Variants in MICU1 observed in about 807,000 individuals in gnomAD.
The protein encoded by MICU1 is mitochondrial calcium uptake 1, also known as calcium uptake protein 1, mitochondrial.
Under a neutral mutation model 56.8 loss-of-function variants are expected in MICU1, and 45 were observed. The ratio of observed to expected loss-of-function variants is 0.79; its 90% CI spans 0.62 to 1.02. MICU1 has a LOEUF of 1.02. Among genes scored for constraint, MICU1 ranks in the 50% least tolerant of loss-of-function variants. MICU1 has a pLI of 0.00. For synonymous variants in MICU1, 186 were observed against 195.1 expected (o/e 0.95, Z 0.39); for missense variants, 504 against 587.1 (o/e 0.86, Z 1.46).
At chr10:72,531,236 C>G (rs1169735309) in intron 5 of MICU1, among the ~76,000 whole-genome samples, 7 of 151,994 alleles carry the variant, frequency 4.6e-5, no homozygotes, top group Non-Finnish European at 4.4e-5. Context: ...AAAATCAAAG[C>G]AAGTCTAAAA....
chr10:72,583,303 CAG>C (rs1297856867), intron 1 of MICU1, among the ~76,000 whole-genome samples: 28 of 145,138 alleles, frequency 1.9e-4, no homozygotes, highest in African/African-American at 6.9e-4. Context: ...TTTTTTGAGA[CAG>C]AGTCTTCCTC....
intron 5 of MICU1, among the ~76,000 whole-genome samples, chr10:72,512,107 G>GT (rs869183579): frequency 1.7e-4 from 5 of 29,522 alleles, no homozygotes; most frequent in Admixed American, 1.5e-3. Context: ...GTTGTTTTTT[G>GT]TTTTTTTTTT....
At chr10:72,512,635 T>A (rs1284724185) in intron 5 of MICU1, among the ~76,000 whole-genome samples, 2 of 152,172 alleles carry the variant, frequency 1.3e-5, no homozygotes, top group African/African-American at 2.4e-5. Flanking sequence ...TTTTGGTATG[T>A]ACTAAGGAGA....
At chr10:72,387,718 A>T (rs1428167937) in intron 10 of MICU1, among the ~76,000 whole-genome samples, 4 of 150,942 alleles carry the variant, frequency 2.7e-5, no homozygotes, top group South Asian at 2.1e-4. Flanking sequence ...AAAAGTGACT[A>T]AAAAAAAGCA....
rs182532774 is a variant in MICU1 at position 72,462,767 on chromosome 10, T to A, written c.933+12333A>T. ...ACTTTTTATACACTGGTATAGAGCT[T>A]ATTCATAAGTTGAGAAGCACCTGGG... is the stretch of plus-strand genomic sequence containing the variant. On this transcript the variant is annotated intron_variant, in intron 8 of 11. Transcript: ENST00000361114. Among the ~76,000 whole-genome samples, 19 of 152,342 alleles carry A rather than the reference T, an allele frequency of 1.2e-4. No individual in the cohort carries two copies. The East Asian group carries it at 3.3e-3, about 26-fold the overall frequency.
chr10:72,623,891 T>TTTAA (rs71021518), intron 1 of MICU1, among the ~76,000 whole-genome samples: 13 of 150,288 alleles, frequency 8.7e-5, no homozygotes, highest in African/African-American at 2.2e-4. Flanking sequence ...CCCATCTCCA[T>TTTAA]TTAATTAATT....
chr10:72,559,666 A>G (rs1175515057), intron 3 of MICU1, among the ~76,000 whole-genome samples: 1 of 152,168 alleles, frequency 6.6e-6, no homozygotes, highest in African/African-American at 2.4e-5. Context: ...CAATGAATAA[A>G]CTTTTTTTTA....
In MICU1 at chr10:72,605,695, T is replaced by C. The variant is rs550095956; in HGVS notation, c.-2+20315A>G. Among the ~76,000 whole-genome samples, 16 of 152,344 alleles carry C rather than the reference T, an allele frequency of 1.1e-4. No homozygotes were observed. The East Asian group carries it at 3.1e-3, about 29-fold the overall frequency. ...AGTAGTTTAGAGATGATTTAAAGTA[T>C]ACAGGAGGATGTGCATAGGTTATAC... On this transcript the variant is annotated intron_variant, in intron 1 of 11. Transcript: ENST00000361114.
At chr10:72,536,856 A>T (rs367961557) in intron 4 of MICU1, among the ~76,000 whole-genome samples, 2 of 152,310 alleles carry the variant, frequency 1.3e-5, no homozygotes, top group East Asian at 3.9e-4. Flanking sequence ...CAGACTTGCC[A>T]CATTTCAAGT....
chr10:72,569,486 C>T (rs1227963781), intron 1 of MICU1, among the ~76,000 whole-genome samples: 2 of 151,416 alleles, frequency 1.3e-5, no homozygotes, highest in Admixed American at 6.6e-5. Flanking sequence ...CTACCTGCCT[C>T]GGCTTCCCAA....
At chr10:72,508,915 A>G (rs555234007) in intron 5 of MICU1, among the ~76,000 whole-genome samples, 6 of 152,196 alleles carry the variant, frequency 3.9e-5, no homozygotes, top group Non-Finnish European at 7.3e-5. Flanking sequence ...CCTAGATGTC[A>G]GCTATTTGAT....
chr10:72,407,323 T>C (rs745731618), intron 10 of MICU1, among the ~76,000 whole-genome samples: 2 of 152,180 alleles, frequency 1.3e-5, no homozygotes, highest in African/African-American at 2.4e-5. Context: ...AAAATGTCAG[T>C]TGAGCTGAAT....
intron 1 of MICU1, among the ~76,000 whole-genome samples, chr10:72,568,939 A>G (rs1415951644): frequency 6.7e-6 from 1 of 150,192 alleles, no homozygotes; most frequent in Non-Finnish European, 1.5e-5. Context: ...TTTTTAGTAG[A>G]GACAGGGTTT....
chr10:72,407,069 C>T (rs1241509506), intron 10 of MICU1, among the ~76,000 whole-genome samples: 1 of 152,082 alleles, frequency 6.6e-6, no homozygotes, highest in Non-Finnish European at 1.5e-5. Flanking sequence ...CTAGAAAAAG[C>T]AAAATTAATC....
intron 1 of MICU1, among the ~76,000 whole-genome samples, chr10:72,614,630 G>A (rs570985811): frequency 1.5e-4 from 23 of 152,202 alleles, no homozygotes; most frequent in Non-Finnish European, 3.2e-4. Flanking sequence ...GGATGAACCT[G>A]AAGGATACTA....
At chr10:72,374,812 T>TC (rs1862463845) in intron 11 of MICU1, among the ~76,000 whole-genome samples, 1 of 133,138 alleles carries the variant, frequency 7.5e-6, no homozygotes, top group Non-Finnish European at 1.6e-5. Context: ...TATTATCTTT[T>TC]TTTTTTTTTT....
intron 5 of MICU1, among the ~76,000 whole-genome samples, chr10:72,518,928 G>A (rs907436089): frequency 2.0e-5 from 3 of 152,142 alleles, no homozygotes; most frequent in Non-Finnish European, 2.9e-5. Flanking sequence ...TGATCTGCCC[G>A]TCTCGTCCTC....
At chr10:72,403,628 ATT>A (rs1491180154) in intron 10 of MICU1, among the ~76,000 whole-genome samples, 4 of 97,744 alleles carry the variant, frequency 4.1e-5, no homozygotes, top group African/African-American at 1.5e-4. Flanking sequence ...ACATACCAAA[ATT>A]GTGTGTGTGT....
At chr10:72,523,924 A>G (rs1347412573) in intron 5 of MICU1, 1 of 1,484,448 alleles carries the variant, frequency 6.7e-7, no homozygotes, top group Non-Finnish European at 8.9e-7. Flanking sequence ...GAAAAGCAAA[A>G]TAATAAAGTC....
Sources: gnomAD v4.1 joint callset for allele counts (sites outside exome capture counted in the v4.1 genomes callset) on GRCh38, gnomAD v4.1.1 for gene constraint, MANE v1.5 for transcripts, NCBI Gene and HGNC (gene_info 2026-07-23, HGNC 2026-07-21) for gene names.